The following FRMPD2 variants were observed in gnomAD, a reference collection of about 807,000 sequenced individuals.
FRMPD2 encodes the protein FERM and PDZ domain-containing protein 2.
Under a neutral mutation model 140.1 loss-of-function variants are expected in FRMPD2, and 96 were observed. That is an observed-to-expected ratio of 0.69 (90% CI 0.58 to 0.81). The LOEUF is 0.81. Among genes scored for constraint, FRMPD2 ranks in the 40% least tolerant of loss-of-function variants. The pLI, the probability that FRMPD2 is intolerant of heterozygous loss-of-function variation, is 0.00. For synonymous variants in FRMPD2, 449 were observed against 547.6 expected, an observed-to-expected ratio of 0.82 and a Z score of 2.52; for missense variants, 1,240 against 1,447.4, an observed-to-expected ratio of 0.86 and a Z score of 2.32.
intron 1 of FRMPD2, among the ~76,000 whole-genome samples, chr10:48,265,375 T>A (rs1840661474): frequency 6.6e-6 from 1 of 152,096 alleles, no homozygotes; most frequent in African/African-American, 2.4e-5. Flanking sequence ...TGGAATCTAA[T>A]TAAACTAAAG....
chr10:48,201,586 C>T (rs902548204), intron 14 of FRMPD2: 1 of 484,056 alleles, frequency 2.1e-6, no homozygotes, highest in South Asian at 2.9e-5. Context: ...CTTCATTCAT[C>T]AATCAAATTG....
At chr10:48,240,962 G>C (rs1840091703) in intron 5 of FRMPD2, among the ~76,000 whole-genome samples, 2 of 152,208 alleles carry the variant, frequency 1.3e-5, no homozygotes, top group African/African-American at 4.8e-5. Context: ...CTAATGCAGT[G>C]CCCAATGAAT....
chr10:48,274,285 A>G (rs951672573), intron 1 of FRMPD2, among the ~76,000 whole-genome samples: 8 of 152,236 alleles, frequency 5.3e-5, no homozygotes, highest in African/African-American at 1.9e-4. Context: ...GCAGTGATTC[A>G]AACAAGGGGT....
chr10:48,184,906 G>T (rs767431839), intron 18 of FRMPD2, 25 bp from the exon 19 acceptor site: 5 of 1,534,538 alleles, frequency 3.3e-6, no homozygotes, highest in South Asian at 1.1e-5. Flanking sequence ...GATAGTCCAT[G>T]ATAAGATGAT....
chr10:48,195,577 G>A (rs964622041), intron 15 of FRMPD2, among the ~76,000 whole-genome samples: 28 of 152,150 alleles, frequency 1.8e-4, no homozygotes, highest in African/African-American at 6.8e-4. Context: ...TGGGAAAACA[G>A]CAGTAGTCTT....
chr10:48,180,099 A>C (rs1385937845), intron 21 of FRMPD2, among the ~76,000 whole-genome samples: 17 of 152,022 alleles, frequency 1.1e-4, no homozygotes, highest in Admixed American at 6.5e-4. Flanking sequence ...AAGGGTGTGC[A>C]ACTGAGACTC....
rs1251655799 is a variant in FRMPD2 at position 48,212,210 on chromosome 10, G to A, written c.1456-101C>T. ...TCTGTAGTCACAATTCCAGGAGGGCGCCAGAGAAAGACACTTCCTCGAGGT... is the reference window on the plus strand; with the variant it reads ...TCTGTAGTCACAATTCCAGGAGGGCACCAGAGAAAGACACTTCCTCGAGGT... On this transcript the variant is annotated intron_variant, in intron 12 of 28. Coordinates refer to ENST00000374201, the MANE Select transcript of FRMPD2 (RefSeq NM_001018071.4). The A allele has an allele frequency of 4.4e-5, 53 of 1,216,116 alleles. 2 individuals are homozygous for A. The highest frequency in any genetic ancestry group is 2.2e-4 in the South Asian group (15 of 68,514). The allele number at this position is 1,216,116 out of a possible 1,614,324, so 75.3% of individuals were successfully genotyped here.
At chr10:48,217,351 G>C (rs1839474062) in intron 12 of FRMPD2, among the ~76,000 whole-genome samples, 1 of 152,282 alleles carries the variant, frequency 6.6e-6, no homozygotes, top group East Asian at 1.9e-4. Flanking sequence ...CATCCCACAT[G>C]ATGACAAATG....
rs538012208 is a variant in FRMPD2 at position 48,176,693 on chromosome 10, G to C, written c.2896-754C>G. On this transcript the variant is annotated intron_variant, in intron 22 of 28. Transcript: ENST00000374201. ...ATATTTGTGAATAACCCAAAATTTA[G>C]TCAGTTTTTCAGATGAAAAATAGCT... Among the ~76,000 whole-genome samples the C allele has an allele frequency of 5.3e-5, 8 of 151,222 alleles. No individual in the cohort carries two copies. The South Asian group carries it at 8.3e-4, about 16-fold the overall frequency.
At chr10:48,158,202 G>A (rs1403742567) in intron 28 of FRMPD2, among the ~76,000 whole-genome samples, 2 of 150,356 alleles carry the variant, frequency 1.3e-5, no homozygotes, top group African/African-American at 2.5e-5. Flanking sequence ...AAGAAAAAGC[G>A]ATTTGCTCCC....
chr10:48,203,058 A>G (rs1167349441), intron 14 of FRMPD2, among the ~76,000 whole-genome samples: 1 of 152,190 alleles, frequency 6.6e-6, no homozygotes, highest in African/African-American at 2.4e-5. Flanking sequence ...AGCCTCTGAA[A>G]GTGCTGGGAT....
chr10:48,257,476 C>T (rs1366214754), intron 1 of FRMPD2, among the ~76,000 whole-genome samples: 2 of 151,978 alleles, frequency 1.3e-5, no homozygotes, highest in Non-Finnish European at 2.9e-5. Flanking sequence ...GATGGGGTTT[C>T]GCCATGTTGG....
chr10:48,200,102 C>T (rs575162650), intron 15 of FRMPD2, among the ~76,000 whole-genome samples: 2 of 150,752 alleles, frequency 1.3e-5, no homozygotes, highest in African/African-American at 4.9e-5. Flanking sequence ...ACCTTTTGCC[C>T]AAAATTGCTT....
chr10:48,256,303 C>A (rs1840488931), intron 1 of FRMPD2, among the ~76,000 whole-genome samples: 1 of 152,114 alleles, frequency 6.6e-6, no homozygotes, highest in South Asian at 2.1e-4. Flanking sequence ...GGATCAGCCA[C>A]CTCACCCGGG....
chr10:48,199,497 T>C (rs559056277), intron 15 of FRMPD2, among the ~76,000 whole-genome samples: 6 of 152,338 alleles, frequency 3.9e-5, no homozygotes, highest in African/African-American at 1.4e-4. Context: ...GGCTATTTAA[T>C]AGGACATTCA....
Position 48,191,175 on chromosome 10 carries a change from C to A in FRMPD2, c.2165+1509G>T, listed in dbSNP as rs184708385. On this transcript the variant is annotated intron_variant, in intron 16 of 28. Coordinates refer to ENST00000374201, the MANE Select transcript of FRMPD2 (RefSeq NM_001018071.4). ...TTGGAGCCCTCCTGCCTTGCAGAAC[C>A]TTGCTGGAGACCCCACATGAAGAGG... Among the ~76,000 whole-genome samples the A allele has an allele frequency of 6.6e-5, 10 of 152,258 alleles. No homozygotes were observed. The East Asian group carries it at 1.9e-3, about 29-fold the overall frequency.
intron 4 of FRMPD2, among the ~76,000 whole-genome samples, chr10:48,243,378 C>T (rs745594631): frequency 1.2e-4 from 19 of 152,168 alleles, no homozygotes; most frequent in Non-Finnish European, 2.2e-4. Flanking sequence ...TACAAAGGCA[C>T]GAAGATGCAG....
At chr10:48,229,036 G>A (rs1228951541) in intron 10 of FRMPD2, among the ~76,000 whole-genome samples, 1 of 151,974 alleles carries the variant, frequency 6.6e-6, no homozygotes, top group South Asian at 2.1e-4. Context: ...AATATCAATA[G>A]CATACTTGTG....
intron 1 of FRMPD2, among the ~76,000 whole-genome samples, chr10:48,257,279 C>CTTA (rs888236361): frequency 1.4e-5 from 2 of 146,634 alleles, no homozygotes; most frequent in Admixed American, 6.9e-5. Flanking sequence ...ATTTTATTTA[C>CTTA]TTATTATTAT....
Sources: gnomAD v4.1 joint callset for allele counts (sites outside exome capture counted in the v4.1 genomes callset) on GRCh38, gnomAD v4.1.1 for gene constraint, MANE v1.5 for transcripts, NCBI Gene and HGNC (gene_info 2026-07-23, HGNC 2026-07-21) for gene names.